UBE2Q2: variants seen among roughly 807,000 people sequenced by gnomAD.
UBE2Q2 encodes ubiquitin conjugating enzyme E2 Q2.
A neutral mutation model predicts 59.9 loss-of-function variants in UBE2Q2; 54 were observed. That is an observed-to-expected ratio of 0.90 (90% CI 0.72 to 1.13). UBE2Q2 has a LOEUF of 1.13. Among genes scored for constraint, UBE2Q2 ranks in the 50% most tolerant of loss-of-function variants. The pLI, the probability that UBE2Q2 is intolerant of heterozygous loss-of-function variation, is 0.00. For synonymous variants in UBE2Q2, 165 were observed against 155.2 expected, an observed-to-expected ratio of 1.06 and a Z score of -0.47; for missense variants, 433 against 441.9, an observed-to-expected ratio of 0.98 and a Z score of 0.18.
At chr15:75,872,084 A>C (rs1392767751) in intron 4 of UBE2Q2, among the ~76,000 whole-genome samples, 1 of 152,170 alleles carries the variant, frequency 6.6e-6, no homozygotes, top group Non-Finnish European at 1.5e-5. Flanking sequence ...GTATGGAGTC[A>C]TGGGCAGAGT....
rs1049573737 is a variant in UBE2Q2 at position 75,868,992 on chromosome 15, A to G, written c.429A>G (p.Glu143=). ...TEEVTSEEEE[E]EEEMAEDIED... is the part of the protein sequence containing the mutation. ...AAGTGACTTCAGAAGAAGAGGAAGA[A>G]GAAGAAGAGATGGCTGAAGTAGGTA... Residue 143 remains glutamate (E), a synonymous_variant, in exon 4 of 13, where the codon GAA becomes GAG. Coordinates refer to ENST00000267938, the MANE Select transcript of UBE2Q2 (RefSeq NM_173469.4). 5.6e-6 allele frequency: 9 copies of G among 1,612,610 alleles called. No individual in the cohort carries two copies. The African/African-American group carries it at 1.2e-4, about 22-fold the overall frequency.
In UBE2Q2 at chr15:75,843,477, C is replaced by A; in HGVS notation, c.-190C>A. The A allele has an allele frequency of 3.7e-6, 1 of 270,966 alleles. No homozygotes were observed. Among genetic ancestry groups the A allele is most frequent in the Non-Finnish European group, 6.6e-6 (1 of 152,206 alleles). 16.8% of individuals were successfully genotyped at this position (270,966 alleles called of 1,614,324 possible). On this transcript the variant is annotated 5_prime_UTR_variant, in exon 1 of 13. Coordinates refer to ENST00000267938, the MANE Select transcript of UBE2Q2 (RefSeq NM_173469.4). ...AGTCGGTTACAAAGGAAGCGCCACC[C>A]AGGCCGCCACACGCCGAGGCTTCCG...
intron 1 of UBE2Q2, chr15:75,844,428 G>C (rs757306433): frequency 5.2e-6 from 8 of 1,551,488 alleles, no homozygotes; most frequent in South Asian, 4.8e-5. Flanking sequence ...CCTCTCCCCC[G>C]GGCCTGGCTG....
chr15:75,844,676 TG>T, intron 1 of UBE2Q2: 1 of 572,806 alleles, frequency 1.7e-6, no homozygotes, highest in Non-Finnish European at 3.0e-6. Flanking sequence ...GTAAAGGAAT[TG>T]AAGTATTAAG....
chr15:75,843,561 G>A lies in UBE2Q2; in HGVS notation c.-106G>A. On this transcript the variant is annotated 5_prime_UTR_variant, in exon 1 of 13. Transcript: ENST00000267938. ...GGCGGAGCCGCGAGAGCGCGGCCCA[G>A]GCCGGCCCCGCGGGGCGGTCGCGGC... The A allele has an allele frequency of 1.1e-6, 1 of 917,066 alleles. No homozygotes were observed. Among genetic ancestry groups the A allele is most frequent in the Non-Finnish European group, 1.5e-6 (1 of 673,932 alleles). 56.8% of individuals were successfully genotyped at this position (917,066 alleles called of 1,614,324 possible). A position where few individuals can be genotyped will look rare whatever the true frequency, so the allele number is the denominator to read the frequency against.
chr15:75,876,085 G>A (rs1190174503), intron 5 of UBE2Q2, 102 bp from the exon 6 acceptor site: 3 of 581,492 alleles, frequency 5.2e-6, no homozygotes, highest in African/African-American at 2.6e-5. Flanking sequence ...AAAAAAAAAT[G>A]TTGAGTGGTG....
At chr15:75,865,209 C>T (rs997003838) in intron 3 of UBE2Q2, among the ~76,000 whole-genome samples, 2 of 152,248 alleles carry the variant, frequency 1.3e-5, no homozygotes, top group African/African-American at 4.8e-5. Context: ...TTACATTTCT[C>T]TAGTGTTACC....
intron 9 of UBE2Q2, among the ~76,000 whole-genome samples, chr15:75,886,506 A>AT (rs1162127609): frequency 1.3e-5 from 2 of 152,334 alleles, no homozygotes; most frequent in South Asian, 4.1e-4. Context: ...AAGACAGGTC[A>AT]TTTTTTGTTC....
intron 5 of UBE2Q2, 113 bp downstream of exon 5, chr15:75,873,681 C>G: frequency 1.6e-6 from 2 of 1,212,384 alleles, no homozygotes; most frequent in East Asian, 2.4e-5. Flanking sequence ...CCATTTCTGC[C>G]TTAGTGGTGG....
In UBE2Q2 at chr15:75,877,953, C is replaced by T. The variant is rs1430725752; in HGVS notation, c.674-8C>T. 3 of 1,611,610 alleles carry T rather than the reference C, an allele frequency of 1.9e-6. No individual in the cohort carries two copies. The Admixed American group carries it at 5.0e-5, about 27-fold the overall frequency. ...GAAGAGTAGCTAACATGCTCTATATCTTAACAGGGATTTATTCAGTGGAAC... is the reference window on the plus strand; with the variant it reads ...GAAGAGTAGCTAACATGCTCTATATTTTAACAGGGATTTATTCAGTGGAAC... On this transcript the variant is annotated splice_polypyrimidine_tract_variant and splice_region_variant and intron_variant, in intron 6 of 12. Coordinates refer to ENST00000267938, the MANE Select transcript of UBE2Q2 (RefSeq NM_173469.4).
Position 75,872,293 on chromosome 15 carries a change from G to A in UBE2Q2, c.448-1135G>A, listed in dbSNP as rs1206889071. On this transcript the variant is annotated intron_variant, in intron 4 of 12. Coordinates refer to ENST00000267938, the MANE Select transcript of UBE2Q2 (RefSeq NM_173469.4). ...TGGATAGAAGGTAGTGATTAACCTG[G>A]TCTAGAAATCAGTGAATTAGCCTGC... Among the ~76,000 whole-genome samples, 3 of 151,224 alleles carry A rather than the reference G, an allele frequency of 2.0e-5. No individual in the cohort carries two copies. In the East Asian group the frequency reaches 5.8e-4, roughly 29 times the overall value.
intron 3 of UBE2Q2, among the ~76,000 whole-genome samples, chr15:75,862,910 C>G (rs968387408): frequency 1.3e-5 from 2 of 151,472 alleles, no homozygotes. Context: ...TAGGCTGATT[C>G]CCAATTGTTA....
chr15:75,856,269 G>GTGTGTGTGTGTGTATATATATATATA (rs1256142539), intron 2 of UBE2Q2, among the ~76,000 whole-genome samples: 11 of 139,280 alleles, frequency 7.9e-5, no homozygotes, highest in African/African-American at 2.2e-4. Flanking sequence ...GTGTGTGTGT[G>GTGTGTGTGTGTGTATATATATATATA]TATATATATA....
intron 1 of UBE2Q2, among the ~76,000 whole-genome samples, chr15:75,851,521 A>G (rs746895902): frequency 2.0e-5 from 3 of 152,142 alleles, no homozygotes; most frequent in Non-Finnish European, 4.4e-5. Flanking sequence ...GGTGGATACA[A>G]GTTTTCAAAA....
intron 2 of UBE2Q2, among the ~76,000 whole-genome samples, chr15:75,856,574 G>T (rs1896929144): frequency 6.6e-6 from 1 of 152,160 alleles, no homozygotes; most frequent in Non-Finnish European, 1.5e-5. Context: ...AAAACTATTT[G>T]AGGAAGTTTG....
intron 11 of UBE2Q2, among the ~76,000 whole-genome samples, chr15:75,895,902 T>TA: frequency 6.6e-6 from 1 of 152,182 alleles, no homozygotes; most frequent in East Asian, 1.9e-4. Flanking sequence ...ACTCAGCAGA[T>TA]ATACGTACAA....
chr15:75,848,815 G>A lies in UBE2Q2; in HGVS notation c.180+4969G>A, dbSNP rs555631983. Among the ~76,000 whole-genome samples the A allele has an allele frequency of 2.0e-5, 3 of 152,138 alleles. No individual in the cohort carries two copies. The East Asian group carries it at 5.8e-4, about 29-fold the overall frequency. ...TGGAGAGCCAGAGTGATAAAGCAGG[G>A]GTCCCTTTTTCCAGATCCTTTGTAA... is the stretch of plus-strand genomic sequence containing the variant. On this transcript the variant is annotated intron_variant, in intron 1 of 12. Transcript: ENST00000267938.
chr15:75,861,275 T>C (rs1897196105), intron 3 of UBE2Q2, among the ~76,000 whole-genome samples: 2 of 152,242 alleles, frequency 1.3e-5, no homozygotes, highest in Admixed American at 6.5e-5. Flanking sequence ...TTGAAGATAA[T>C]TTTACCTTAG....
At chr15:75,843,967 GC>G in intron 1 of UBE2Q2, 121 bp downstream of exon 1, 1 of 1,406,136 alleles carries the variant, frequency 7.1e-7, no homozygotes, top group Non-Finnish European at 9.2e-7. Flanking sequence ...GGGCAGGCCC[GC>G]CCCTTTCCCC....
Sources: gnomAD v4.1 joint callset for allele counts (sites outside exome capture counted in the v4.1 genomes callset) on GRCh38, gnomAD v4.1.1 for gene constraint, MANE v1.5 for transcripts, NCBI Gene and HGNC (gene_info 2026-07-23, HGNC 2026-07-21) for gene names.